The following MDGA2 variants were observed in gnomAD, a reference collection of about 807,000 sequenced individuals.
The protein encoded by MDGA2 is MAM domain containing glycosylphosphatidylinositol anchor 2, also known as MAM domain-containing glycosylphosphatidylinositol anchor protein 2.
In MDGA2, 40 loss-of-function variants were observed where a neutral mutation model predicts 117.8. That is an observed-to-expected ratio of 0.34 (90% CI 0.26 to 0.44). The LOEUF (loss-of-function observed/expected upper bound fraction) is 0.44. Ranked by LOEUF, MDGA2 falls within the 20% of genes least tolerant of loss-of-function variation. The probability of loss-of-function intolerance (pLI) is 1.00; values close to 1 mark genes in which losing one functional copy is unlikely to be tolerated. For missense variants in MDGA2, 1,123 were observed against 1,250.6 expected, an observed-to-expected ratio of 0.90 and a Z score of 1.54; for synonymous variants, 452 against 439.0, an observed-to-expected ratio of 1.03 and a Z score of -0.37.
At chr14:46,969,933 CATATATATATATATAT>C (rs1157465830) in intron 8 of MDGA2, among the ~76,000 whole-genome samples, 52 of 15,302 alleles carry the variant, frequency 3.4e-3, no homozygotes, top group East Asian at 0.019. Flanking sequence ...TAAAGTATTC[CATATATATATATATAT>C]ATATATATAT....
intron 1 of MDGA2, among the ~76,000 whole-genome samples, chr14:47,461,461 A>T (rs1893485303): frequency 6.6e-6 from 1 of 152,136 alleles, no homozygotes; most frequent in South Asian, 2.1e-4. Flanking sequence ...AACGAAGAAC[A>T]TGTCTTAGTT....
At chr14:47,123,377 AC>A in intron 5 of MDGA2, among the ~76,000 whole-genome samples, 1 of 151,982 alleles carries the variant, frequency 6.6e-6, no homozygotes, top group Non-Finnish European at 1.5e-5. Flanking sequence ...CCTTAGGAAA[AC>A]CAAAGTTGAA....
chr14:47,333,538 T>C (rs1024845910), intron 1 of MDGA2, among the ~76,000 whole-genome samples: 1 of 151,894 alleles, frequency 6.6e-6, no homozygotes, highest in African/African-American at 2.4e-5. Flanking sequence ...ATCCAAATGA[T>C]CAGACAATTT....
chr14:46,988,631 G>T, intron 8 of MDGA2, among the ~76,000 whole-genome samples: 1 of 152,042 alleles, frequency 6.6e-6, no homozygotes, highest in Admixed American at 6.6e-5. Flanking sequence ...GAATAAATAA[G>T]TGCAGCTTTC....
chr14:47,069,172 T>TG (rs1890189311), intron 6 of MDGA2, among the ~76,000 whole-genome samples: 1 of 152,224 alleles, frequency 6.6e-6, no homozygotes, highest in Admixed American at 6.5e-5. Context: ...ATACTTTATG[T>TG]GCTGGGTTTC....
intron 1 of MDGA2, among the ~76,000 whole-genome samples, chr14:47,518,311 T>A (rs1894796680): frequency 6.6e-6 from 1 of 152,100 alleles, no homozygotes. Context: ...TTCTTTTTAA[T>A]AAGAAGAGAA....
intron 1 of MDGA2, among the ~76,000 whole-genome samples, chr14:47,605,982 G>A (rs1034027692): frequency 1.2e-4 from 18 of 152,094 alleles, no homozygotes; most frequent in Non-Finnish European, 1.8e-4. Context: ...CTGAATCAAA[G>A]AGGCCGTCTT....
At chr14:47,186,346 A>C (rs192437281) in intron 3 of MDGA2, among the ~76,000 whole-genome samples, 1 of 151,914 alleles carries the variant, frequency 6.6e-6, no homozygotes, top group East Asian at 1.9e-4. Flanking sequence ...ATATGAAAGA[A>C]TAAATTGCCA....
At chr14:47,480,811 A>T (rs1388815300) in intron 1 of MDGA2, among the ~76,000 whole-genome samples, 1 of 151,916 alleles carries the variant, frequency 6.6e-6, no homozygotes, top group Non-Finnish European at 1.5e-5. Context: ...AGATATTGTA[A>T]ATTCTTCTGT....
At chr14:47,195,461 G>C (rs1253138059) in intron 3 of MDGA2, among the ~76,000 whole-genome samples, 1 of 152,020 alleles carries the variant, frequency 6.6e-6, no homozygotes, top group Non-Finnish European at 1.5e-5. Flanking sequence ...GGATGTGTTT[G>C]ATGAACTGGT....
intron 3 of MDGA2, among the ~76,000 whole-genome samples, chr14:47,204,055 C>A (rs1885599831): frequency 6.6e-6 from 1 of 151,842 alleles, no homozygotes; most frequent in Admixed American, 6.6e-5. Flanking sequence ...TAGAAATGAG[C>A]ATATACACAG....
At position 47,587,259 on chromosome 14, in the gene MDGA2, T is replaced by C. The variant is rs538677867; in HGVS notation, c.280+87258A>G. Among the ~76,000 whole-genome samples the C allele has an allele frequency of 4.6e-5, 7 of 151,912 alleles. 1 individual carries two copies. The highest frequency in any genetic ancestry group is 3.9e-4 in the Admixed American group (6 of 15,214). ...AAACGACCCATTTCACAAGTTTACC[T>C]ACGAAACAACCTGCACGTGTACCCC... On this transcript the variant is annotated intron_variant, in intron 1 of 16. Transcript: ENST00000399232.
At chr14:47,265,525 G>C (rs761427299) in intron 2 of MDGA2, among the ~76,000 whole-genome samples, 9 of 151,704 alleles carry the variant, frequency 5.9e-5, no homozygotes, top group Non-Finnish European at 1.0e-4. Flanking sequence ...ATGATAGTTT[G>C]AGTATGTTAC....
intron 6 of MDGA2, among the ~76,000 whole-genome samples, chr14:47,084,892 T>C (rs1403677914): frequency 6.6e-6 from 1 of 151,968 alleles, no homozygotes; most frequent in Admixed American, 6.6e-5. Context: ...ATTTGTTGTT[T>C]AGAAACACCC....
intron 1 of MDGA2, among the ~76,000 whole-genome samples, chr14:47,509,914 C>T (rs1594893028): frequency 6.6e-6 from 1 of 152,142 alleles, no homozygotes; most frequent in African/African-American, 2.4e-5. Context: ...TTAGATTAGA[C>T]TTTAGTGTTG....
chr14:47,658,064 G>T (rs1279386349), intron 1 of MDGA2, among the ~76,000 whole-genome samples: 2 of 152,044 alleles, frequency 1.3e-5, no homozygotes, highest in Non-Finnish European at 2.9e-5. Context: ...TCCCAGAGGG[G>T]GACACTTTTC....
Position 46,957,297 on chromosome 14 carries a change from T to C in MDGA2, c.2089+77A>G, listed in dbSNP as rs551348752. ...TCCATTGATTTACAAATGTTTTCAT[T>C]CTTATATTGACATAGGTCTAAGATC... is the stretch of plus-strand genomic sequence containing the variant. On this transcript the variant is annotated intron_variant, in intron 9 of 16. Coordinates refer to ENST00000399232, the MANE Select transcript of MDGA2 (RefSeq NM_001113498.3). 18 of 1,385,638 alleles carry C rather than the reference T, an allele frequency of 1.3e-5. No homozygotes were observed. In the South Asian group the frequency reaches 2.4e-4, roughly 18 times the overall value. The allele number at this position is 1,385,638 out of a possible 1,614,324, so 85.8% of individuals were successfully genotyped here. A position where few individuals can be genotyped will look rare whatever the true frequency, so the allele number is the denominator to read the frequency against.
chr14:47,291,117 T>C (rs554203518), intron 2 of MDGA2, among the ~76,000 whole-genome samples: 1 of 152,314 alleles, frequency 6.6e-6, no homozygotes, highest in East Asian at 1.9e-4. Context: ...CTAGATTGTA[T>C]TGCCTGAGCA....
chr14:46,912,338 G>T (rs1411691882), intron 10 of MDGA2, among the ~76,000 whole-genome samples: 7 of 151,986 alleles, frequency 4.6e-5, no homozygotes, highest in Admixed American at 2.0e-4. Flanking sequence ...GTTCGTTTTT[G>T]CTGGAAATTC....
Sources: allele counts gnomAD v4.1 joint callset (sites outside exome capture counted in the v4.1 genomes callset), GRCh38; gene constraint gnomAD v4.1.1; transcripts MANE v1.5; gene names NCBI Gene and HGNC (gene_info 2026-07-23, HGNC 2026-07-21).